FANCC: variants seen among roughly 807,000 people sequenced by gnomAD.
FANCC encodes the protein FA complementation group C.
A neutral mutation model predicts 71.3 loss-of-function variants in FANCC; 55 were observed. The ratio of observed to expected loss-of-function variants is 0.77; its 90% CI spans 0.62 to 0.97. FANCC has a LOEUF of 0.97. FANCC is among the 50% of genes least tolerant of loss of function. FANCC has a pLI of 0.00. For missense variants in FANCC, 678 were observed against 670.9 expected (o/e 1.01, Z -0.12); for synonymous variants, 275 against 244.9 (o/e 1.12, Z -1.15).
At position 95,269,978 on chromosome 9, in the gene FANCC, A is replaced by C. The variant is rs773664605; in HGVS notation, c.-78-20609T>G. 6.2e-4 allele frequency among the ~76,000 whole-genome samples: 94 copies of C among 152,178 alleles called. 1 individual carries two copies. Among genetic ancestry groups the C allele is most frequent in the Non-Finnish European group, 1.0e-3 (69 of 68,028 alleles). ...CTGCCTTCAAGCATCTGTTTAACAA[A>C]GCACATCCTGCACCGCCCTTAATCC... On this transcript the variant is annotated intron_variant, in intron 1 of 14. Transcript: ENST00000289081.
intron 4 of FANCC, among the ~76,000 whole-genome samples, chr9:95,176,062 C>A (rs1472302317): frequency 6.6e-6 from 1 of 152,232 alleles, no homozygotes; most frequent in Non-Finnish European, 1.5e-5. Context: ...GCATTTACTA[C>A]ACACCAGGGG....
intron 9 of FANCC, 108 bp downstream of exon 9, chr9:95,126,421 C>CT (rs1345683939): frequency 1.4e-5 from 16 of 1,112,364 alleles, no homozygotes; most frequent in African/African-American, 3.1e-5. Flanking sequence ...ATCAGAAACT[C>CT]TAATTTCCCC....
At chr9:95,153,063 C>G (rs535578683) in intron 6 of FANCC, among the ~76,000 whole-genome samples, 3 of 152,304 alleles carry the variant, frequency 2.0e-5, no homozygotes, top group East Asian at 3.9e-4. Flanking sequence ...TTGTATGTCT[C>G]TGTGTACTCA....
At chr9:95,266,284 C>T (rs1409015219) in intron 1 of FANCC, among the ~76,000 whole-genome samples, 1 of 152,146 alleles carries the variant, frequency 6.6e-6, no homozygotes, top group East Asian at 1.9e-4. Context: ...AACAAATCTA[C>T]AAAATGAGTA....
intron 4 of FANCC, among the ~76,000 whole-genome samples, chr9:95,196,640 C>T (rs1362268531): frequency 1.3e-5 from 2 of 152,194 alleles, no homozygotes; most frequent in African/African-American, 4.8e-5. Context: ...ACCTGAATCA[C>T]TAGCAATCCA....
At chr9:95,293,219 C>T in intron 1 of FANCC, 1 of 1,613,208 alleles carries the variant, frequency 6.2e-7, no homozygotes, top group South Asian at 1.1e-5. Flanking sequence ...TCAAAAGTTG[C>T]TTTTACCAAA....
chr9:95,298,200 A>G (rs1278834983), intron 1 of FANCC, among the ~76,000 whole-genome samples: 4 of 152,152 alleles, frequency 2.6e-5, no homozygotes, highest in African/African-American at 9.7e-5. Flanking sequence ...AACACATAGT[A>G]TTTAGTATTT....
At chr9:95,243,789 A>G (rs356661) in intron 3 of FANCC, among the ~76,000 whole-genome samples, 142,406 of 152,244 alleles carry the variant, frequency 0.94, 66,616 homozygotes, top group Middle Eastern at 0.98. Context: ...GCGAGACTCC[A>G]TCTCAAAAAA....
chr9:95,141,127 T>C (rs889473626), intron 7 of FANCC, among the ~76,000 whole-genome samples: 2 of 151,686 alleles, frequency 1.3e-5, no homozygotes, highest in Non-Finnish European at 2.9e-5. Flanking sequence ...CTGGGCAATA[T>C]GGCAAAACCC....
chr9:95,118,736 G>A (rs371685884), intron 10 of FANCC, among the ~76,000 whole-genome samples: 3 of 152,190 alleles, frequency 2.0e-5, no homozygotes, highest in Non-Finnish European at 2.9e-5. Flanking sequence ...GTTATTGTGT[G>A]CGAGTAGATC....
At chr9:95,172,892 CAATAAA>C in intron 4 of FANCC, among the ~76,000 whole-genome samples, 1 of 151,906 alleles carries the variant, frequency 6.6e-6, no homozygotes, top group East Asian at 1.9e-4. Context: ...TGGCTGTGCT[CAATAAA>C]AATAAAATCT....
intron 1 of FANCC, chr9:95,293,604 C>G (rs1834189225): frequency 1.9e-6 from 3 of 1,614,192 alleles, no homozygotes; most frequent in Non-Finnish European, 1.7e-6. Flanking sequence ...TTATGCCTCA[C>G]AAAACTTTAT....
At chr9:95,183,380 C>A (rs1464603061) in intron 4 of FANCC, among the ~76,000 whole-genome samples, 2 of 152,208 alleles carry the variant, frequency 1.3e-5, no homozygotes, top group South Asian at 4.1e-4. Flanking sequence ...CCTTCACATT[C>A]CTACCACAGC....
intron 13 of FANCC, chr9:95,110,205 C>T: frequency 2.0e-6 from 2 of 979,244 alleles, no homozygotes; most frequent in Non-Finnish European, 2.4e-6. Flanking sequence ...GAAGATGTGC[C>T]AATGTAGAAC....
rs376084231 is a variant in FANCC, at chr9:95,249,286, A to G, written c.6T>C (p.Ala2=). 4 of 1,614,118 alleles carry G rather than the reference A, an allele frequency of 2.5e-6. No individual in the cohort carries two copies. The highest frequency in any genetic ancestry group is 3.4e-6 in the Non-Finnish European group (4 of 1,180,006). The change falls in exon 2 of 15, where the codon GCT becomes GCC. Residue 2 remains alanine (A), a synonymous_variant. Transcript: ENST00000289081. M[A]QDSVDLSCDY... is the part of the protein sequence containing the mutation. ...CACAAGAAAGATCTACTGAATCTTG[A>G]GCCATCTTGGAAAAAGCGAAAAGGT...
chr9:95,211,214 T>C (rs1828474552), intron 4 of FANCC, among the ~76,000 whole-genome samples: 1 of 152,186 alleles, frequency 6.6e-6, no homozygotes, highest in African/African-American at 2.4e-5. Flanking sequence ...TGGGTGCACT[T>C]TCTGAATCAG....
intron 4 of FANCC, among the ~76,000 whole-genome samples, chr9:95,183,607 G>A (rs1485981792): frequency 1.3e-5 from 2 of 152,210 alleles, no homozygotes; most frequent in Non-Finnish European, 2.9e-5. Flanking sequence ...ACATCGCTAT[G>A]TGCTTTTACT....
intron 8 of FANCC, among the ~76,000 whole-genome samples, chr9:95,133,640 G>C (rs1263278632): frequency 6.6e-6 from 1 of 152,200 alleles, no homozygotes; most frequent in Non-Finnish European, 1.5e-5. Context: ...AAGGATTAAG[G>C]AAAGGCTGGA....
At chr9:95,203,656 T>C (rs1433611941) in intron 4 of FANCC, among the ~76,000 whole-genome samples, 9 of 152,178 alleles carry the variant, frequency 5.9e-5, no homozygotes. Flanking sequence ...ATTTAAAATA[T>C]TTATCTAGTA....
Sources: allele counts gnomAD v4.1 joint callset (sites outside exome capture counted in the v4.1 genomes callset), GRCh38; gene constraint gnomAD v4.1.1; transcripts MANE v1.5; gene names NCBI Gene and HGNC (gene_info 2026-07-23, HGNC 2026-07-21).